AP3B1: variants seen among roughly 807,000 people sequenced by gnomAD.
AP3B1 encodes the protein AP-3 complex subunit beta-1.
A neutral mutation model predicts 132.5 loss-of-function variants in AP3B1; 61 were observed. The observed-to-expected ratio is 0.46, with a 90% CI of 0.37 to 0.57. The LOEUF (loss-of-function observed/expected upper bound fraction) is 0.57. AP3B1 is among the 20% of genes least tolerant of loss of function. The pLI is 0.00. For missense variants in AP3B1, 1,120 were observed against 1,289.4 expected, an observed-to-expected ratio of 0.87 and a Z score of 2.01; for synonymous variants, 388 against 438.3, an observed-to-expected ratio of 0.89 and a Z score of 1.43.
intron 22 of AP3B1, among the ~76,000 whole-genome samples, chr5:78,066,184 G>A (rs1442937361): frequency 2.0e-5 from 3 of 152,158 alleles, no homozygotes; most frequent in Non-Finnish European, 4.4e-5. Context: ...TCAAAGATTG[G>A]AGGTAAAGTC....
intron 16 of AP3B1, 54 bp downstream of exon 16, chr5:78,129,067 T>C: frequency 6.8e-7 from 1 of 1,474,626 alleles, no homozygotes; most frequent in Non-Finnish European, 9.3e-7. Context: ...AATGGCAACA[T>C]CTTGTCATAA....
chr5:78,077,413 G>T (rs1403162907), intron 22 of AP3B1, among the ~76,000 whole-genome samples: 1 of 152,122 alleles, frequency 6.6e-6, no homozygotes, highest in Non-Finnish European at 1.5e-5. Context: ...CCTAGACTGG[G>T]TGCCTCCAAC....
At chr5:78,159,780 C>T (rs1743312796) in intron 13 of AP3B1, among the ~76,000 whole-genome samples, 1 of 152,190 alleles carries the variant, frequency 6.6e-6, no homozygotes, top group African/African-American at 2.4e-5. Flanking sequence ...TCTCATTCCC[C>T]TCAGGTAATT....
intron 16 of AP3B1, 88 bp downstream of exon 16, chr5:78,129,033 G>A (rs1752583457): frequency 9.3e-7 from 1 of 1,076,492 alleles, no homozygotes; most frequent in African/African-American, 1.6e-5. Flanking sequence ...TATTTCCTAA[G>A]AGATAAATTT....
At position 78,216,352 on chromosome 5, in the gene AP3B1, A is replaced by G. The variant is rs550869620; in HGVS notation, c.604-115T>C. On this transcript the variant is annotated intron_variant, in intron 6 of 26. Transcript: ENST00000255194. ...CCAATCAGTATTAAAGTATTCAGTC[A>G]TTCAATTAAAATGAATGTTCATGTT... The G allele has an allele frequency of 1.6e-4, 159 of 973,520 alleles. No individual in the cohort carries two copies. In the East Asian group the frequency reaches 4.1e-3, roughly 25 times the overall value. The allele number at this position is 973,520 out of a possible 1,614,324, so 60.3% of individuals were successfully genotyped here.
At position 78,162,885 on chromosome 5, in the gene AP3B1, T is replaced by C. The variant is rs1451635969; in HGVS notation, c.1297A>G (p.Thr433Ala). ...GTGTCAGTGACTTCCAAGATGTTGG[T>C]TGCACATCTGCCTATAGTCTGAATA... ...ATIQTIGRCA[T>A]NILEVTDTCL... The change falls in exon 13 of 27, where the codon ACC becomes GCC. Residue 433 changes from threonine (T) to alanine (A), a missense_variant. By Grantham distance (58) the Thr-to-Ala change is moderately conservative (BLOSUM62 0). Transcript: ENST00000255194. The C allele has an allele frequency of 6.2e-6, 10 of 1,613,636 alleles. No homozygotes were observed. Among genetic ancestry groups the C allele is most frequent in the East Asian group, 2.2e-5 (1 of 44,878 alleles).
At position 78,141,166 on chromosome 5, in the gene AP3B1, A is replaced by G. The variant is rs780800105; in HGVS notation, c.1627T>C (p.Leu543=). 3.7e-6 allele frequency: 6 copies of G among 1,613,654 alleles called. No homozygotes were observed. Among genetic ancestry groups the G allele is most frequent in the South Asian group, 1.1e-5 (1 of 91,072 alleles). Residue 543 remains leucine (L), a synonymous_variant, in exon 15 of 27, where the codon TTG becomes CTG. Transcript: ENST00000255194. ...KLQILNLGAK[L]YLTNSKQTKL... ...ACCTGTTTGGAGTTGGTTAAATACA[A>G]TTTTGCTCCCAGATTTAATATCTGC...
chr5:78,220,349 C>T lies in AP3B1; in HGVS notation c.604-4112G>A, dbSNP rs546490070. Among the ~76,000 whole-genome samples the T allele has an allele frequency of 2.6e-5, 4 of 151,394 alleles. No homozygotes were observed. The South Asian group carries it at 8.3e-4, about 32-fold the overall frequency. On this transcript the variant is annotated intron_variant, in intron 6 of 26. Coordinates refer to ENST00000255194, the MANE Select transcript of AP3B1 (RefSeq NM_003664.5). ...AAACAACAAGGGACCAAAACCCATG[C>T]TTTAAGCCTAACTTCAAAACAGAGA...
chr5:78,156,362 C>T lies in AP3B1; in HGVS notation c.1369G>A (p.Val457Ile), dbSNP rs1282013736. 6.2e-7 allele frequency: 1 copy of T among 1,602,748 alleles called. No homozygotes were observed. Among genetic ancestry groups the T allele is most frequent in the African/African-American group, 1.3e-5 (1 of 74,680 alleles). Residue 457 changes from valine to isoleucine, a missense_variant, in exon 14 of 27, where the codon GTT becomes ATT. By Grantham distance (29) the Val-to-Ile change is conservative. This residue lies in a region of AP3B1 where 906 missense variants were observed against 997.1 expected (regional missense o/e 0.91). Transcript: ENST00000255194. ...VCLLSNRDEIVVAESVVVIKK... is the reference protein window; with the variant it reads ...VCLLSNRDEIIVAESVVVIKK... ...ATAACAACCACACTTTCAGCAACAA[C>T]TATTTCTGAAAAAGATAGAAATTAT...
At chr5:78,193,766 A>ATTTT (rs1379149753) in intron 7 of AP3B1, among the ~76,000 whole-genome samples, 43 of 98,320 alleles carry the variant, frequency 4.4e-4, no homozygotes, top group African/African-American at 1.6e-3. Context: ...ATATATATAT[A>ATTTT]TATATTTTTT....
intron 17 of AP3B1, among the ~76,000 whole-genome samples, chr5:78,124,962 G>A (rs901415888): frequency 1.5e-4 from 23 of 151,824 alleles, no homozygotes; most frequent in Admixed American, 1.0e-3. Flanking sequence ...GGCCAAAGAC[G>A]AACAATAAAA....
intron 24 of AP3B1, among the ~76,000 whole-genome samples, chr5:78,024,120 C>T (rs760912324): frequency 3.9e-5 from 6 of 151,970 alleles, no homozygotes; most frequent in Admixed American, 6.6e-5. Context: ...TGAGGGTAGG[C>T]TACTCGAAGA....
At chr5:78,187,908 A>C (rs1417477559) in intron 7 of AP3B1, among the ~76,000 whole-genome samples, 1 of 151,840 alleles carries the variant, frequency 6.6e-6, no homozygotes, top group African/African-American at 2.4e-5. Context: ...GAACAGAATA[A>C]AGAACTCAGA....
intron 3 of AP3B1, among the ~76,000 whole-genome samples, chr5:78,233,237 CTT>C (rs71613940): frequency 1.4e-5 from 2 of 139,284 alleles, no homozygotes; most frequent in South Asian, 2.2e-4. Context: ...TTTCTTTTTT[CTT>C]TTTTTTTTTT....
At chr5:78,098,857 T>C (rs1751012138) in intron 21 of AP3B1, among the ~76,000 whole-genome samples, 1 of 152,200 alleles carries the variant, frequency 6.6e-6, no homozygotes, top group African/African-American at 2.4e-5. Context: ...AATAATCAAG[T>C]ACCAAAATTT....
intron 15 of AP3B1, among the ~76,000 whole-genome samples, chr5:78,132,305 A>C (rs1752723769): frequency 3.9e-5 from 6 of 152,330 alleles, no homozygotes; most frequent in Admixed American, 3.9e-4. Flanking sequence ...TTTTATCTTC[A>C]AAGTTGAGCT....
chr5:78,122,561 CAG>C (rs1453669233), intron 17 of AP3B1, among the ~76,000 whole-genome samples: 6 of 152,138 alleles, frequency 3.9e-5, no homozygotes, highest in Non-Finnish European at 7.3e-5. Flanking sequence ...AACGGACAAA[CAG>C]AGAGCCAAAT....
chr5:78,159,758 C>T (rs1159523090), intron 13 of AP3B1, among the ~76,000 whole-genome samples: 1 of 152,204 alleles, frequency 6.6e-6, no homozygotes, highest in East Asian at 1.9e-4. Context: ...ATTCTGCCTA[C>T]CACAAGTGCC....
intron 22 of AP3B1, among the ~76,000 whole-genome samples, chr5:78,069,739 T>C (rs2112159870): frequency 6.6e-6 from 1 of 152,284 alleles, no homozygotes; most frequent in East Asian, 1.9e-4. Context: ...TTCACAAAAT[T>C]AGTAAAAACT....
Sources: gnomAD v4.1 joint callset for allele counts (sites outside exome capture counted in the v4.1 genomes callset) on GRCh38, gnomAD v4.1.1 for gene constraint, gnomAD v4.1.1 regional missense constraint, MANE v1.5 for transcripts, NCBI Gene and HGNC (gene_info 2026-07-23, HGNC 2026-07-21) for gene names.